Variants in COL4A1 observed in about 807,000 individuals in gnomAD.
COL4A1 encodes the protein collagen alpha-1(IV) chain.
COL4A1 carries 40 observed loss-of-function variants against 216.6 expected under a neutral mutation model. The ratio of observed to expected loss-of-function variants is 0.18; its 90% CI spans 0.14 to 0.24. The LOEUF (loss-of-function observed/expected upper bound fraction) is 0.24. Among genes scored for constraint, COL4A1 ranks in the 10% least tolerant of loss-of-function variants. The pLI, the probability that COL4A1 is intolerant of heterozygous loss-of-function variation, is 1.00. For missense variants in COL4A1, 1,628 were observed against 2,196.8 expected, an observed-to-expected ratio of 0.74 and a Z score of 5.18; for synonymous variants, 839 against 810.7, an observed-to-expected ratio of 1.03 and a Z score of -0.59.
chr13:110,303,774 T>C (rs1884582796), intron 1 of COL4A1, among the ~76,000 whole-genome samples: 1 of 152,228 alleles, frequency 6.6e-6, no homozygotes, highest in South Asian at 2.1e-4. Flanking sequence ...ATTTCTCACC[T>C]GACCTTCCTG....
In COL4A1 at chr13:110,187,183, A is replaced by G. The variant is rs750565321; in HGVS notation, c.1683T>C (p.Pro561=). 4.3e-6 allele frequency: 7 copies of G among 1,614,028 alleles called. No individual in the cohort carries two copies. In the South Asian group the frequency reaches 7.7e-5, roughly 18 times the overall value. ...GAAGACCCGGATGGCCATCTCTTCC[A>G]GGAGAACCCGCTCTCCCTGGCATGC... ...QPGMPGRAGS[P]GRDGHPGLPG... Residue 561 remains proline (P), a synonymous_variant, in exon 25 of 52, where the codon CCT becomes CCC. Transcript: ENST00000375820.
At chr13:110,201,641 G>T in intron 18 of COL4A1, 119 bp from the exon 19 acceptor site, 1 of 930,984 alleles carries the variant, frequency 1.1e-6, no homozygotes, top group Non-Finnish European at 1.8e-6. Flanking sequence ...ATATGAAAGT[G>T]AAGTAGCAGC....
At chr13:110,229,662 C>T (rs1051265459) in intron 2 of COL4A1, among the ~76,000 whole-genome samples, 1 of 152,148 alleles carries the variant, frequency 6.6e-6, no homozygotes, top group Admixed American at 6.5e-5. Context: ...AAAAAAGACC[C>T]CAGAGAGAGC....
intron 2 of COL4A1, among the ~76,000 whole-genome samples, chr13:110,220,817 G>C (rs1230113245): frequency 2.0e-5 from 3 of 152,190 alleles, no homozygotes; most frequent in Non-Finnish European, 2.9e-5. Flanking sequence ...TGGGGTCTGA[G>C]GGGTGGGAGC....
chr13:110,244,125 A>T (rs941233045), intron 1 of COL4A1, among the ~76,000 whole-genome samples: 6 of 152,244 alleles, frequency 3.9e-5, no homozygotes, highest in African/African-American at 1.4e-4. Context: ...TCCTGAAAAT[A>T]AAATCATGCC....
chr13:110,227,724 A>G (rs1365191622), intron 2 of COL4A1, among the ~76,000 whole-genome samples: 1 of 152,158 alleles, frequency 6.6e-6, no homozygotes, highest in Non-Finnish European at 1.5e-5. Flanking sequence ...ACAGGTGCCC[A>G]CCCTTGGTTC....
At chr13:110,280,464 T>C (rs975932442) in intron 1 of COL4A1, among the ~76,000 whole-genome samples, 3 of 152,262 alleles carry the variant, frequency 2.0e-5, no homozygotes, top group South Asian at 2.1e-4. Flanking sequence ...CATTATGCCA[T>C]TGAAAACGAA....
chr13:110,191,246 T>G (rs1015396569), intron 24 of COL4A1: 2 of 156,744 alleles, frequency 1.3e-5, no homozygotes, highest in African/African-American at 4.8e-5. Flanking sequence ...AACTCGCTTT[T>G]GCCCTGGTTT....
chr13:110,282,241 C>A lies in COL4A1; in HGVS notation c.84+24703G>T, dbSNP rs188192874. On this transcript the variant is annotated intron_variant, in intron 1 of 51. Coordinates refer to ENST00000375820, the MANE Select transcript of COL4A1 (RefSeq NM_001845.6). ...GTTTGAATACTAGTGGAGAAAAGTCCTTGACCTTTTGTTTTCTCATCAATA... is the reference window on the plus strand; with the variant it reads ...GTTTGAATACTAGTGGAGAAAAGTCATTGACCTTTTGTTTTCTCATCAATA... Among the ~76,000 whole-genome samples the A allele has an allele frequency of 1.4e-3, 211 of 152,250 alleles. 1 individual carries two copies. The highest frequency in any genetic ancestry group is 4.8e-3 in the African/African-American group (200 of 41,548).
chr13:110,289,110 G>A (rs1883973358), intron 1 of COL4A1, among the ~76,000 whole-genome samples: 1 of 152,212 alleles, frequency 6.6e-6, no homozygotes, highest in African/African-American at 2.4e-5. Flanking sequence ...TAAGGTCAGT[G>A]AGTATCTGGG....
At chr13:110,249,041 C>A (rs1881961996) in intron 1 of COL4A1, among the ~76,000 whole-genome samples, 1 of 152,034 alleles carries the variant, frequency 6.6e-6, no homozygotes, top group Non-Finnish European at 1.5e-5. Flanking sequence ...CTCCATGGAC[C>A]CCCAGGGCCC....
intron 2 of COL4A1, among the ~76,000 whole-genome samples, chr13:110,238,788 T>C (rs1881436599): frequency 6.6e-6 from 1 of 152,228 alleles, no homozygotes; most frequent in South Asian, 2.1e-4. Flanking sequence ...AACTCTATTT[T>C]AGCAAAACAT....
rs1880349696 is a variant in COL4A1, at chr13:110,219,848, A to ATATGTGTATATATATG, written c.145-5834_145-5833insCATATATATACACATA. Among the ~76,000 whole-genome samples, 3 of 74,788 alleles carry ATATGTGTATATATATG rather than the reference A, an allele frequency of 4.0e-5. 1 individual carries two copies. The Admixed American group carries it at 4.4e-4, about 11-fold the overall frequency. The allele number at this position is 74,788 out of a possible 152,430, so 49.1% of individuals were successfully genotyped here. The stretch of plus-strand genomic sequence containing the variant: ...TATATGTATGTATGTATATATGTGT[A>ATATGTGTATATATATG]TATATATGTATATATGTGTGTGTAT... On this transcript the variant is annotated intron_variant, in intron 2 of 51. Transcript: ENST00000375820.
intron 49 of COL4A1, among the ~76,000 whole-genome samples, chr13:110,160,763 C>T (rs1373914946): frequency 6.6e-6 from 1 of 152,188 alleles, no homozygotes; most frequent in Non-Finnish European, 1.5e-5. Flanking sequence ...GGCAGGAGTG[C>T]AGTGGTGTGG....
intron 1 of COL4A1, among the ~76,000 whole-genome samples, chr13:110,296,855 C>T (rs914953186): frequency 2.0e-5 from 3 of 152,192 alleles, no homozygotes; most frequent in Non-Finnish European, 4.4e-5. Context: ...CTCAGGGAAA[C>T]CCTTATGTTT....
chr13:110,279,272 C>T (rs1345422518), intron 1 of COL4A1, among the ~76,000 whole-genome samples: 2 of 152,096 alleles, frequency 1.3e-5, no homozygotes, highest in Non-Finnish European at 1.5e-5. Context: ...CAATAATCAT[C>T]GCTCCCCATG....
intron 2 of COL4A1, among the ~76,000 whole-genome samples, chr13:110,216,428 A>G (rs2139210281): frequency 6.6e-6 from 1 of 152,294 alleles, no homozygotes; most frequent in Non-Finnish European, 1.5e-5. Context: ...TAAAATAAAT[A>G]AATAAATATG....
intron 4 of COL4A1, 73 bp from the exon 5 acceptor site, chr13:110,212,691 G>T: frequency 1.3e-6 from 2 of 1,543,686 alleles, no homozygotes; most frequent in East Asian, 2.2e-5. Context: ...CATCTCCCCG[G>T]TTAATGGAGT....
chr13:110,163,982 C>CT (rs1877208449), intron 46 of COL4A1, among the ~76,000 whole-genome samples: 1 of 99,326 alleles, frequency 1.0e-5, no homozygotes, highest in Non-Finnish European at 2.0e-5. Flanking sequence ...CTTTCTCTCT[C>CT]TCTTTTTTTT....
Sources: gnomAD v4.1 joint callset for allele counts (sites outside exome capture counted in the v4.1 genomes callset) on GRCh38, gnomAD v4.1.1 for gene constraint, MANE v1.5 for transcripts, NCBI Gene and HGNC (gene_info 2026-07-23, HGNC 2026-07-21) for gene names.